The following CSMD1 variants were observed in gnomAD, a reference collection of about 807,000 sequenced individuals.
CSMD1 encodes CUB and Sushi multiple domains 1.
CSMD1 carries 213 observed loss-of-function variants against 417.5 expected under a neutral mutation model. That is an observed-to-expected ratio of 0.51 (90% CI 0.46 to 0.57). The LOEUF is 0.57. CSMD1 is among the 20% of genes least tolerant of loss of function. The probability of loss-of-function intolerance (pLI) is 0.00; values close to 1 mark genes in which losing one functional copy is unlikely to be tolerated. For missense variants in CSMD1, 6,923 were observed against 4,529.7 expected (o/e 1.53, Z -15.17); for synonymous variants, 2,862 against 1,736.8 (o/e 1.65, Z -16.11).
At chr8:3,799,706 C>A (rs1364952158) in intron 5 of CSMD1, among the ~76,000 whole-genome samples, 1 of 151,934 alleles carries the variant, frequency 6.6e-6, no homozygotes, top group Non-Finnish European at 1.5e-5. Flanking sequence ...AGTCTGCCAG[C>A]TGAACGTTTG....
intron 4 of CSMD1, among the ~76,000 whole-genome samples, chr8:4,006,756 CTATT>C (rs1236955405): frequency 2.0e-5 from 3 of 151,316 alleles, no homozygotes; most frequent in African/African-American, 7.3e-5. Flanking sequence ...GAACTCACCA[CTATT>C]TATTACGGCT....
At chr8:4,429,639 C>T (rs976869218) in intron 2 of CSMD1, among the ~76,000 whole-genome samples, 67 of 152,060 alleles carry the variant, frequency 4.4e-4, no homozygotes, top group African/African-American at 1.6e-3. Context: ...AACGAATGCA[C>T]AGAGGAGGGC....
At chr8:4,913,181 G>A (rs554483481) in intron 1 of CSMD1, among the ~76,000 whole-genome samples, 1 of 152,290 alleles carries the variant, frequency 6.6e-6, no homozygotes, top group South Asian at 2.1e-4. Flanking sequence ...GTCTTGCAAA[G>A]ATTAGGTTGG....
At chr8:4,553,149 T>C (rs2130573499) in intron 2 of CSMD1, among the ~76,000 whole-genome samples, 1 of 152,354 alleles carries the variant, frequency 6.6e-6, no homozygotes. Flanking sequence ...AACACCTCAC[T>C]GTTGCTTTGT....
intron 3 of CSMD1, among the ~76,000 whole-genome samples, chr8:4,107,854 G>C (rs7844914): frequency 0.21 from 32,426 of 152,140 alleles, 3,817 homozygotes; most frequent in Middle Eastern, 0.34. Context: ...CATTCTCTCT[G>C]ATGGAAATAG....
At chr8:3,906,761 G>A (rs1808142316) in intron 5 of CSMD1, among the ~76,000 whole-genome samples, 1 of 151,912 alleles carries the variant, frequency 6.6e-6, no homozygotes, top group South Asian at 2.1e-4. Context: ...ATTCCTACAA[G>A]AGGAAAAATG....
chr8:3,404,114 C>T (rs540064146), intron 15 of CSMD1, among the ~76,000 whole-genome samples: 1 of 152,144 alleles, frequency 6.6e-6, no homozygotes, highest in East Asian at 1.9e-4. Flanking sequence ...TCTACTTCTC[C>T]TCTGAGGTCA....
intron 3 of CSMD1, among the ~76,000 whole-genome samples, chr8:4,352,036 T>A (rs57038562): frequency 0.12 from 18,374 of 151,594 alleles, 1,546 homozygotes; most frequent in African/African-American, 0.23. Flanking sequence ...TTTAAGTTCA[T>A]TGTGTCCCAG....
chr8:4,169,315 C>G (rs11775827), intron 3 of CSMD1, among the ~76,000 whole-genome samples: 1 of 152,180 alleles, frequency 6.6e-6, no homozygotes, highest in Admixed American at 6.5e-5. Context: ...TCCTCTAAAG[C>G]TGGTCCCTCC....
At chr8:4,376,919 A>T (rs532477172) in intron 3 of CSMD1, among the ~76,000 whole-genome samples, 1 of 152,164 alleles carries the variant, frequency 6.6e-6, no homozygotes, top group Non-Finnish European at 1.5e-5. Flanking sequence ...ACTGTACTGC[A>T]ATTTTATGGA....
chr8:3,914,073 A>G (rs759999463), intron 5 of CSMD1, among the ~76,000 whole-genome samples: 1 of 152,188 alleles, frequency 6.6e-6, no homozygotes, highest in Non-Finnish European at 1.5e-5. Context: ...TGATCACAAT[A>G]AAGAGTCATA....
intron 8 of CSMD1, among the ~76,000 whole-genome samples, chr8:3,607,764 C>G (rs1265820966): frequency 6.6e-6 from 1 of 152,238 alleles, no homozygotes; most frequent in Non-Finnish European, 1.5e-5. Flanking sequence ...TCCTCTGTAT[C>G]TCCATTAACT....
chr8:4,597,086 G>C (rs1001233822), intron 2 of CSMD1, among the ~76,000 whole-genome samples: 10 of 146,798 alleles, frequency 6.8e-5, no homozygotes, highest in Admixed American at 4.3e-4. Flanking sequence ...TCAGCAGCAT[G>C]AAAACAGACT....
At chr8:4,072,968 C>G (rs145502363) in intron 3 of CSMD1, among the ~76,000 whole-genome samples, 1 of 152,296 alleles carries the variant, frequency 6.6e-6, no homozygotes, top group East Asian at 1.9e-4. Context: ...TTGCTCGTGA[C>G]ATCAGATTTT....
chr8:3,887,706 G>T (rs1324785099), intron 5 of CSMD1, among the ~76,000 whole-genome samples: 1 of 152,176 alleles, frequency 6.6e-6, no homozygotes, highest in East Asian at 1.9e-4. Flanking sequence ...TCACAGGTTT[G>T]GAAGGAAATA....
chr8:3,882,250 A>T (rs1806255633), intron 5 of CSMD1, among the ~76,000 whole-genome samples: 1 of 152,204 alleles, frequency 6.6e-6, no homozygotes, highest in Non-Finnish European at 1.5e-5. Context: ...TTGAACTGAC[A>T]CTTATTAGAA....
intron 2 of CSMD1, among the ~76,000 whole-genome samples, chr8:4,536,359 C>T (rs530977597): frequency 6.6e-6 from 1 of 152,136 alleles, no homozygotes; most frequent in African/African-American, 2.4e-5. Context: ...TATTTATTTG[C>T]TTGTATTTTT....
intron 5 of CSMD1, among the ~76,000 whole-genome samples, chr8:3,862,075 C>CT (rs1167356974): frequency 3.3e-5 from 5 of 152,170 alleles, no homozygotes; most frequent in Non-Finnish European, 7.4e-5. Flanking sequence ...ATGTGCCTTT[C>CT]TTTTTGCCAT....
rs189803462 is a variant in CSMD1 at position 3,740,487 on chromosome 8, G to T, written c.931+13443C>A. 2.6e-5 allele frequency among the ~76,000 whole-genome samples: 4 copies of T among 152,216 alleles called. No individual in the cohort carries two copies. In the East Asian group the frequency reaches 5.8e-4, roughly 22 times the overall value. On this transcript the variant is annotated intron_variant, in intron 6 of 69. Transcript: ENST00000635120. ...TCAGAAGTGGGAGCCATCCTTCTGC[G>T]GTAAAATACTCAGAGGAGGGTTCAC...
Sources: gnomAD v4.1 joint callset for allele counts (sites outside exome capture counted in the v4.1 genomes callset) on GRCh38, gnomAD v4.1.1 for gene constraint, MANE v1.5 for transcripts, NCBI Gene and HGNC (gene_info 2026-07-23, HGNC 2026-07-21) for gene names.